TADA1: variants seen among roughly 807,000 people sequenced by gnomAD.
TADA1 encodes the protein transcriptional adapter 1.
A neutral mutation model predicts 39.3 loss-of-function variants in TADA1; 23 were observed. That is an observed-to-expected ratio of 0.58 (90% confidence interval 0.42 to 0.83). The LOEUF (loss-of-function observed/expected upper bound fraction) is 0.83, where lower values mean the gene tolerates loss of function less well. Ranked by LOEUF, TADA1 falls within the 40% of genes least tolerant of loss-of-function variation. TADA1 has a pLI of 0.00. For synonymous variants in TADA1, 137 were observed against 151.8 expected (o/e 0.90, Z 0.72); for missense variants, 352 against 408.1 (o/e 0.86, Z 1.18).
At chr1:166,862,703 C>T in intron 4 of TADA1, 1 of 442,990 alleles carries the variant, frequency 2.3e-6, no homozygotes, top group Middle Eastern at 6.4e-4. Flanking sequence ...TTAAAAATAA[C>T]TGAAAGAGAA....
intron 4 of TADA1, 181 bp downstream of exon 4, chr1:166,863,643 A>G (rs951380493): frequency 3.4e-5 from 21 of 609,148 alleles, no homozygotes; most frequent in African/African-American, 2.5e-4. Context: ...GTAACAAACA[A>G]GAACTATAAA....
intron 1 of TADA1, among the ~76,000 whole-genome samples, chr1:166,870,542 G>T (rs1325722188): frequency 1.3e-5 from 2 of 152,148 alleles, no homozygotes; most frequent in Non-Finnish European, 2.9e-5. Flanking sequence ...CCCTAAAAGG[G>T]GACTCGCCGG....
rs550180817 is a variant in TADA1, at chr1:166,864,061, T to G, written c.233-140A>C. ...GAATGCTTAAATCAAAACCTTCTCT[T>G]TCTACTTCTCTAAATAAAATTATCG... is the stretch of plus-strand genomic sequence containing the variant. On this transcript the variant is annotated intron_variant, in intron 3 of 7. Transcript: ENST00000367874. The G allele has an allele frequency of 1.4e-4, 93 of 655,460 alleles. No individual in the cohort carries two copies. In the African/African-American group the frequency reaches 1.7e-3, roughly 12 times the overall value. 40.6% of individuals were successfully genotyped at this position (655,460 alleles called of 1,614,324 possible). A position where few individuals can be genotyped will look rare whatever the true frequency, so the allele number is the denominator to read the frequency against.
Position 166,876,192 on chromosome 1 carries a change from GTTC to G in TADA1, c.39_41del (p.Lys13del). 1.9e-6 allele frequency: 3 copies of G among 1,613,848 alleles called. No individual in the cohort carries two copies. The highest frequency in any genetic ancestry group is 2.5e-6 in the Non-Finnish European group (3 of 1,179,916). On this transcript the variant is annotated inframe_deletion, in exon 1 of 8. Coordinates refer to ENST00000367874, the MANE Select transcript of TADA1 (RefSeq NM_053053.4). ...CGTTGTCCCCCAGGGCCTCGCTTAA[GTTC>G]TTCTTGGCCGCCTCCAGCTCGCTCA...
At chr1:166,866,484 C>T (rs1571240340) in intron 3 of TADA1, among the ~76,000 whole-genome samples, 1 of 152,036 alleles carries the variant, frequency 6.6e-6, no homozygotes, top group East Asian at 1.9e-4. Context: ...TAGAAAACAA[C>T]CCATCCAAAA....
intron 3 of TADA1, among the ~76,000 whole-genome samples, chr1:166,865,714 G>A (rs2101791298): frequency 6.6e-6 from 1 of 152,062 alleles, no homozygotes; most frequent in Non-Finnish European, 1.5e-5. Flanking sequence ...AGCTACTCGG[G>A]AGGCTGAAGC....
At chr1:166,866,620 GCTT>G (rs1369096053) in intron 3 of TADA1, among the ~76,000 whole-genome samples, 1 of 152,030 alleles carries the variant, frequency 6.6e-6, no homozygotes, top group Non-Finnish European at 1.5e-5. Flanking sequence ...AAATCCAAAT[GCTT>G]CTTCATTTAT....
chr1:166,874,923 T>A (rs1427326454), intron 1 of TADA1, among the ~76,000 whole-genome samples: 1 of 152,242 alleles, frequency 6.6e-6, no homozygotes, highest in Non-Finnish European at 1.5e-5. Context: ...AAAAGTAGAC[T>A]GTCAACTCTG....
chr1:166,857,986 C>A, intron 7 of TADA1, 133 bp downstream of exon 7: 1 of 1,189,926 alleles, frequency 8.4e-7, no homozygotes, highest in Non-Finnish European at 1.2e-6. Context: ...GTATTAATAA[C>A]GGCTTTTATA....
At chr1:166,869,422 TG>T (rs1278938571) in intron 3 of TADA1, 22 bp downstream of exon 3, 1 of 1,598,008 alleles carries the variant, frequency 6.3e-7, no homozygotes, top group Admixed American at 1.7e-5. Context: ...TTACACACAC[TG>T]GAAGTATTTC....
At chr1:166,874,201 C>A (rs557536779) in intron 1 of TADA1, among the ~76,000 whole-genome samples, 8 of 151,694 alleles carry the variant, frequency 5.3e-5, no homozygotes, top group Admixed American at 1.3e-4. Context: ...ATTAGCCGGG[C>A]GTGGTGGCAG....
intron 1 of TADA1, among the ~76,000 whole-genome samples, chr1:166,872,882 A>C (rs1658686696): frequency 6.6e-6 from 1 of 152,262 alleles, no homozygotes; most frequent in South Asian, 2.1e-4. Flanking sequence ...CCAAAAACAA[A>C]GCCAATCAAT....
chr1:166,865,711 C>T (rs1054665149), intron 3 of TADA1, among the ~76,000 whole-genome samples: 3 of 151,492 alleles, frequency 2.0e-5, no homozygotes, highest in Admixed American at 6.6e-5. Context: ...CCCAGCTACT[C>T]GGGAGGCTGA....
At position 166,860,165 on chromosome 1, in the gene TADA1, A is replaced by G. The variant is rs528685045; in HGVS notation, c.692+21T>C. ...ACAACTAGCAAAAGATGGAAAGAAA[A>G]TCACAAGAAACTTCATTTACCTTTC... On this transcript the variant is annotated intron_variant, in intron 6 of 7. Transcript: ENST00000367874. 1.0e-5 allele frequency: 16 copies of G among 1,579,396 alleles called. No homozygotes were observed. In the African/African-American group the frequency reaches 2.0e-4, roughly 20 times the overall value.
At chr1:166,858,026 G>A in intron 7 of TADA1, 93 bp downstream of exon 7, 1 of 1,472,260 alleles carries the variant, frequency 6.8e-7, no homozygotes, top group Non-Finnish European at 9.3e-7. Context: ...ACAAAGCCAA[G>A]AAGTGGAAAA....
intron 1 of TADA1, 100 bp from the exon 2 acceptor site, chr1:166,869,954 C>T (rs1658621760): frequency 1.0e-6 from 1 of 987,230 alleles, no homozygotes; most frequent in African/African-American, 1.6e-5. Context: ...TTTATTCTGT[C>T]ACTCAGGCTG....
intron 5 of TADA1, among the ~76,000 whole-genome samples, chr1:166,861,908 A>T (rs138048090): frequency 0.029 from 4,352 of 151,768 alleles, 88 homozygotes; most frequent in African/African-American, 0.045. Context: ...TTTTTTTTTT[A>T]AATTAGCTGA....
chr1:166,874,629 A>C (rs1423706831), intron 1 of TADA1, among the ~76,000 whole-genome samples: 1 of 152,060 alleles, frequency 6.6e-6, no homozygotes, highest in Non-Finnish European at 1.5e-5. Flanking sequence ...TGAAAAAAAA[A>C]ACTTTAGCCA....
chr1:166,860,146 A>G, intron 6 of TADA1, 40 bp downstream of exon 6: 1 of 1,568,888 alleles, frequency 6.4e-7, no homozygotes, highest in Non-Finnish European at 8.6e-7. Context: ...ATAAACAACT[A>G]GCAAAAGATG....
Sources: gnomAD v4.1 joint callset for allele counts (sites outside exome capture counted in the v4.1 genomes callset) on GRCh38, gnomAD v4.1.1 for gene constraint, MANE v1.5 for transcripts, NCBI Gene and HGNC (gene_info 2026-07-23, HGNC 2026-07-21) for gene names.